The following ZNF783 variants were observed in gnomAD, a reference collection of about 807,000 sequenced individuals.
ZNF783 encodes the protein zinc finger protein 783, also known as protein ZNF783.
ZNF783 carries 25 observed loss-of-function variants against 31.3 expected under a neutral mutation model. That is an observed-to-expected ratio of 0.80 (90% confidence interval 0.58 to 1.11). ZNF783 has a LOEUF of 1.11. Among genes scored for constraint, ZNF783 ranks in the 50% most tolerant of loss-of-function variants. ZNF783 has a pLI of 0.00. For synonymous variants in ZNF783, 369 were observed against 319.1 expected, an observed-to-expected ratio of 1.16 and a Z score of -1.66; for missense variants, 797 against 760.0, an observed-to-expected ratio of 1.05 and a Z score of -0.57.
intron 1 of ZNF783, among the ~76,000 whole-genome samples, chr7:149,263,446 A>G (rs1398619885): frequency 6.7e-6 from 1 of 150,096 alleles, no homozygotes; most frequent in East Asian, 2.0e-4. Flanking sequence ...CAGCCTCCCA[A>G]TCCCAAGTAG....
At chr7:149,271,377 A>C (rs568575332) in intron 4 of ZNF783, among the ~76,000 whole-genome samples, 1 of 152,382 alleles carries the variant, frequency 6.6e-6, no homozygotes, top group East Asian at 1.9e-4. Context: ...TTACAATTTC[A>C]AAACAGTGAA....
intron 5 of ZNF783, 31 bp downstream of exon 5, chr7:149,278,558 A>G: frequency 6.3e-7 from 1 of 1,598,546 alleles, no homozygotes; most frequent in South Asian, 1.1e-5. Flanking sequence ...GGCAGGATGA[A>G]CAGTGTCCCG....
intron 4 of ZNF783, among the ~76,000 whole-genome samples, chr7:149,268,672 G>C (rs1797143479): frequency 6.6e-6 from 1 of 152,116 alleles, no homozygotes; most frequent in Non-Finnish European, 1.5e-5. Context: ...TCATTGTTTA[G>C]GTCCCAGTTA....
At chr7:149,278,585 C>A in intron 5 of ZNF783, 58 bp downstream of exon 5, 1 of 1,593,852 alleles carries the variant, frequency 6.3e-7, no homozygotes, top group Non-Finnish European at 8.5e-7. Context: ...CACGCGATCA[C>A]CAAGCGATGG....
chr7:149,263,236 T>A (rs993503916), intron 1 of ZNF783, among the ~76,000 whole-genome samples: 10 of 151,386 alleles, frequency 6.6e-5, no homozygotes, highest in African/African-American at 2.4e-4. Flanking sequence ...CATTTTAAAA[T>A]TTTTTAATTA....
At position 149,282,239 on chromosome 7, in the gene ZNF783, A is replaced by G. The variant is rs1289085823; in HGVS notation, c.1537A>G (p.Met513Val). ...CCGCAACCACCACCTGGCCGTGCACATGCAGACCCACGCCCGAGGCCAGGT... is the reference window on the plus strand; with the variant it reads ...CCGCAACCACCACCTGGCCGTGCACGTGCAGACCCACGCCCGAGGCCAGGT... ...FNRNHHLAVH[M>V]QTHARGQVGP... Residue 513 changes from methionine (M) to valine (V), a missense_variant, in exon 6 of 6, where the codon ATG (methionine) becomes GTG (valine). Physicochemically the swap from Met to Val is conservative, Grantham distance 21 (BLOSUM62 1). Coordinates refer to ENST00000434415, the MANE Select transcript of ZNF783 (RefSeq NM_001195220.2). The G allele has an allele frequency of 1.9e-6, 3 of 1,597,462 alleles. No homozygotes were observed. In the African/African-American group the frequency reaches 4.0e-5, roughly 21 times the overall value.
At chr7:149,270,463 T>C (rs1797185160) in intron 4 of ZNF783, among the ~76,000 whole-genome samples, 1 of 152,248 alleles carries the variant, frequency 6.6e-6, no homozygotes, top group South Asian at 2.1e-4. Flanking sequence ...TGCTTAATTC[T>C]TTCCTTTATC....
At chr7:149,268,523 C>T (rs1797140232) in intron 4 of ZNF783, among the ~76,000 whole-genome samples, 1 of 152,024 alleles carries the variant, frequency 6.6e-6, no homozygotes, top group South Asian at 2.1e-4. Context: ...AGGCATACAC[C>T]TGCGGGTTTG....
chr7:149,282,957 G>GTTTTTTTTTTTTTTTTTTTTT lies in ZNF783; in HGVS notation c.*624_*625insTTTTTTTTTTTTTTTTTTTTT, dbSNP rs57927274. 1 of 134,350 alleles carries GTTTTTTTTTTTTTTTTTTTTT rather than the reference G, an allele frequency of 7.4e-6. No homozygotes were observed. 8.3% of individuals were successfully genotyped at this position (134,350 alleles called of 1,614,324 possible). On this transcript the variant is annotated 3_prime_UTR_variant, in exon 6 of 6. Coordinates refer to ENST00000434415, the MANE Select transcript of ZNF783 (RefSeq NM_001195220.2). ...CGTCCACCAGCCTGTGGGTCTTTTGGTTTTTTTTTTGTTGTTGTTGTTGTT... is the reference window on the plus strand; with the variant it reads ...CGTCCACCAGCCTGTGGGTCTTTTGGTTTTTTTTTTTTTTTTTTTTTTTTTTTTTTTGTTGTTGTTGTTGTT...
chr7:149,262,418 G>A, intron 1 of ZNF783, 61 bp downstream of exon 1: 2 of 1,194,418 alleles, frequency 1.7e-6, no homozygotes, highest in Non-Finnish European at 2.1e-6. Context: ...GTGAGCCCGC[G>A]CGAGGGACTC....
intron 1 of ZNF783, among the ~76,000 whole-genome samples, chr7:149,263,155 C>G (rs903437716): frequency 6.6e-6 from 1 of 151,952 alleles, no homozygotes; most frequent in African/African-American, 2.4e-5. Context: ...TCTCGAACCC[C>G]TGACCTCGTG....
chr7:149,267,110 C>G lies in ZNF783; in HGVS notation c.561C>G (p.Ser187=). 1.2e-6 allele frequency: 2 copies of G among 1,600,190 alleles called. No individual in the cohort carries two copies. The highest frequency in any genetic ancestry group is 2.2e-5 in the South Asian group (2 of 91,082). The stretch of plus-strand genomic sequence containing the variant: ...TTCTGTGCACAGATTATGCAATCTC[C>G]AAACCAGACATCCTCACCCGGATAG... ...ETLVSLDYAI[S]KPDILTRIER... Residue 187 remains serine (S), a synonymous_variant, in exon 4 of 6, where the codon TCC becomes TCG. Coordinates refer to ENST00000434415, the MANE Select transcript of ZNF783 (RefSeq NM_001195220.2).
chr7:149,284,006 A>AT lies in ZNF783; in HGVS notation c.*1665dup, dbSNP rs1797544336. 1.3e-5 allele frequency: 2 copies of AT among 152,082 alleles called. No homozygotes were observed. The highest frequency in any genetic ancestry group is 2.4e-5 in the African/African-American group (1 of 41,378). The allele number at this position is 152,082 out of a possible 1,614,324, so 9.4% of individuals were successfully genotyped here. A position where few individuals can be genotyped will look rare whatever the true frequency, so the allele number is the denominator to read the frequency against. ...GAGTCCTTTGTATTTTGGTGAACAAATTCTTACCAAAGCATGAGATTCGGA... is the reference window on the plus strand; with the variant it reads ...GAGTCCTTTGTATTTTGGTGAACAAATTTCTTACCAAAGCATGAGATTCGGA... On this transcript the variant is annotated 3_prime_UTR_variant, in exon 6 of 6. Transcript: ENST00000434415.
intron 4 of ZNF783, chr7:149,276,601 TAGAAG>T (rs1322753823): frequency 1.0e-6 from 1 of 985,240 alleles, no homozygotes. Context: ...CCTCTTCTGT[TAGAAG>T]AGAACCTCAG....
At position 149,278,395 on chromosome 7, in the gene ZNF783, C is replaced by G; in HGVS notation, c.674-4C>G. 1 of 1,599,184 alleles carries G rather than the reference C, an allele frequency of 6.3e-7. No homozygotes were observed. Reference sequence around the variant, plus strand: ...GCTCAATGTCACTGATTTACATTCTCCAGGCCTCCCTCCGTATCCAGAGCA... The same window carrying G: ...GCTCAATGTCACTGATTTACATTCTGCAGGCCTCCCTCCGTATCCAGAGCA... On this transcript the variant is annotated splice_region_variant and splice_polypyrimidine_tract_variant and intron_variant, in intron 4 of 5. Transcript: ENST00000434415.
At position 149,267,157 on chromosome 7, in the gene ZNF783, T is replaced by G. The variant is rs780740657; in HGVS notation, c.608T>G (p.Leu203Arg). The G allele has an allele frequency of 2.5e-6, 4 of 1,599,358 alleles. No individual in the cohort carries two copies. In the African/African-American group the frequency reaches 5.3e-5, roughly 21 times the overall value. ...TRIERGEEPC[L>R]DRWGQEKGNE... ...ATAGAGAGGGGAGAGGAGCCTTGTC[T>G]TGACCGGTGGGGCCAGGAGAAGGGG... The change falls in exon 4 of 6, where the codon CTT becomes CGT. Residue 203 changes from leucine to arginine, a missense_variant. Transcript: ENST00000434415.
intron 4 of ZNF783, among the ~76,000 whole-genome samples, chr7:149,270,277 C>T (rs1163518686): frequency 1.3e-5 from 2 of 152,084 alleles, no homozygotes; most frequent in East Asian, 1.9e-4. Flanking sequence ...TACAGGTGCA[C>T]GCCACCATAT....
chr7:149,282,358 A>G lies in ZNF783; in HGVS notation c.*15A>G, dbSNP rs1443899437. ...AGGAGGGCTGACCTGGCAGGAGCCC[A>G]CAGAGGACCCCTGGCGGGGTCTCTC... On this transcript the variant is annotated 3_prime_UTR_variant, in exon 6 of 6. Coordinates refer to ENST00000434415, the MANE Select transcript of ZNF783 (RefSeq NM_001195220.2). 1 of 1,475,204 alleles carries G rather than the reference A, an allele frequency of 6.8e-7. No individual in the cohort carries two copies. Among genetic ancestry groups the G allele is most frequent in the South Asian group, 1.4e-5 (1 of 73,660 alleles). The allele number at this position is 1,475,204 out of a possible 1,614,324, so 91.4% of individuals were successfully genotyped here. A position where few individuals can be genotyped will look rare whatever the true frequency, so the allele number is the denominator to read the frequency against.
chr7:149,279,858 A>G (rs1797420783), intron 5 of ZNF783, among the ~76,000 whole-genome samples: 2 of 151,686 alleles, frequency 1.3e-5, no homozygotes, highest in South Asian at 2.1e-4. Context: ...AAAGTCTCCC[A>G]TGTCTACTTC....
Sources: allele counts gnomAD v4.1 joint callset (sites outside exome capture counted in the v4.1 genomes callset), GRCh38; gene constraint gnomAD v4.1.1; transcripts MANE v1.5; gene names NCBI Gene and HGNC (gene_info 2026-07-23, HGNC 2026-07-21).